Variants in APLP1 observed in about 807,000 individuals in gnomAD.
The protein encoded by APLP1 is amyloid beta precursor like protein 1.
Under a neutral mutation model 84.5 loss-of-function variants are expected in APLP1, and 46 were observed. That is an observed-to-expected ratio of 0.54 (90% CI 0.43 to 0.70). The LOEUF (loss-of-function observed/expected upper bound fraction) is 0.70. Among genes scored for constraint, APLP1 ranks in the 30% least tolerant of loss-of-function variants. The probability of loss-of-function intolerance (pLI) is 0.00; values close to 1 mark genes in which losing one functional copy is unlikely to be tolerated. For missense variants in APLP1, 826 were observed against 900.2 expected, an observed-to-expected ratio of 0.92 and a Z score of 1.05; for synonymous variants, 376 against 364.0, an observed-to-expected ratio of 1.03 and a Z score of -0.38.
intron 12 of APLP1, 96 bp from the exon 13 acceptor site, chr19:35,877,983 ATCC>A: frequency 7.0e-7 from 1 of 1,422,848 alleles, no homozygotes. Flanking sequence ...AGGATCCCCA[ATCC>A]TCCTTCTTAG....
chr19:35,869,887 C>G (rs11882950), intron 2 of APLP1, 77 bp downstream of exon 2: 6 of 1,517,046 alleles, frequency 4.0e-6, no homozygotes, highest in Non-Finnish European at 5.3e-6. Flanking sequence ...CAGGGTGCTG[C>G]GCGATCTAAG....
At chr19:35,871,568 C>T in intron 4 of APLP1, 44 bp from the exon 5 acceptor site, 2 of 1,611,118 alleles carry the variant, frequency 1.2e-6, no homozygotes, top group Non-Finnish European at 1.7e-6. Context: ...CATCTACCCC[C>T]TCCCATCCCA....
At position 35,871,988 on chromosome 19, in the gene APLP1, G is replaced by A. The variant is rs745547684; in HGVS notation, c.802G>A (p.Glu268Lys). Reference protein sequence around the residue: ...VEPPQAEEEEETVPPPSSHTL... With the variant: ...VEPPQAEEEEKTVPPPSSHTL... ...GCCTCCGCAGGCTGAAGAGGAAGAG[G>A]AAACGGTCCCACCCCCAAGCTCCCA... Residue 268 changes from glutamate to lysine, a missense_variant, in exon 6 of 17, where the codon GAA becomes AAA. Glu to Lys is a moderately conservative substitution (Grantham distance 56). Transcript: ENST00000221891. 1.2e-6 allele frequency: 2 copies of A among 1,614,116 alleles called. No individual in the cohort carries two copies. Among genetic ancestry groups the A allele is most frequent in the South Asian group, 2.2e-5 (2 of 91,068 alleles).
Position 35,868,940 on chromosome 19 carries a change from C to T in APLP1, c.147+157C>T, listed in dbSNP as rs78167269. ...ACATTTATGAACCCAGGGTTCCAGG[C>T]CCCAGCTCCCCCATCATGCGACGTC... On this transcript the variant is annotated intron_variant, in intron 1 of 16. Coordinates refer to ENST00000221891, the MANE Select transcript of APLP1 (RefSeq NM_001024807.3). This position sits in a 1 kb window ranked among gnomAD's most constrained non-coding sequence, Gnocchi z 5.2. Among the ~76,000 whole-genome samples the T allele has an allele frequency of 2.4e-3, 369 of 150,796 alleles. 12 individuals are homozygous for T. The East Asian group carries it at 0.066, about 27-fold the overall frequency.
At chr19:35,875,009 C>T in intron 10 of APLP1, 140 bp downstream of exon 10, 2 of 1,237,510 alleles carry the variant, frequency 1.6e-6, no homozygotes, top group Non-Finnish European at 2.2e-6. Context: ...CTGCCCCTTC[C>T]CAGTCTCTCA....
chr19:35,875,020 G>C lies in APLP1; in HGVS notation c.1344+151G>C, dbSNP rs970741256. ...TTCTCTGCCCCTTCCCAGTCTCTCA[G>C]CTCAGCTTCCTGACCCTGAAACATG... On this transcript the variant is annotated intron_variant, in intron 10 of 16. Coordinates refer to ENST00000221891, the MANE Select transcript of APLP1 (RefSeq NM_001024807.3). The C allele has an allele frequency of 1.9e-5, 23 of 1,184,158 alleles. No homozygotes were observed. The Admixed American group carries it at 2.4e-4, about 12-fold the overall frequency. 73.4% of individuals were successfully genotyped at this position (1,184,158 alleles called of 1,614,324 possible). A position where few individuals can be genotyped will look rare whatever the true frequency, so the allele number is the denominator to read the frequency against.
intron 10 of APLP1, among the ~76,000 whole-genome samples, chr19:35,875,524 C>T (rs1476498316): frequency 6.6e-6 from 1 of 152,170 alleles, no homozygotes; most frequent in Non-Finnish European, 1.5e-5. Flanking sequence ...CAGGGTTTCA[C>T]CATACTGGTC....
chr19:35,869,867 A>C (rs1974098814), intron 2 of APLP1, 57 bp downstream of exon 2: 2 of 1,541,324 alleles, frequency 1.3e-6, no homozygotes, highest in Non-Finnish European at 1.7e-6. Flanking sequence ...GACTTGAAAA[A>C]GGCGTGGTCC....
rs1270786630 is a variant in APLP1, at chr19:35,879,743, C to T, written c.*302C>T. ...CCTAGTGTCTATTCCCTGGAATTCA[C>T]CCTCTCATGTTTCCCTACTAACATC... On this transcript the variant is annotated 3_prime_UTR_variant, in exon 17 of 17. Transcript: ENST00000221891. 2.7e-6 allele frequency: 1 copy of T among 364,532 alleles called. No homozygotes were observed. Among genetic ancestry groups the T allele is most frequent in the East Asian group, 5.1e-5 (1 of 19,478 alleles). 22.6% of individuals were successfully genotyped at this position (364,532 alleles called of 1,614,324 possible).
rs775555094 is a variant in APLP1 at position 35,871,705 on chromosome 19, C to G, written c.631C>G (p.Pro211Ala). 1 of 1,613,966 alleles carries G rather than the reference C, an allele frequency of 6.2e-7. No individual in the cohort carries two copies. The highest frequency in any genetic ancestry group is 1.3e-5 in the African/African-American group (1 of 74,892). Reference sequence around the variant, plus strand: ...CCGTGGTGTGGAGTATGTGTGCTGTCCCCCTCCAGGGACCCCCGACCCATC... The same window carrying G: ...CCGTGGTGTGGAGTATGTGTGCTGTGCCCCTCCAGGGACCCCCGACCCATC... Reference protein sequence around the residue: ...RFRGVEYVCCPPPGTPDPSGT... With the variant: ...RFRGVEYVCCAPPGTPDPSGT... Residue 211 changes from proline to alanine, a missense_variant, in exon 5 of 17, where the codon CCC becomes GCC. Physicochemically the swap from Pro to Ala is conservative, Grantham distance 27. This residue lies in a region of APLP1 where 383 missense variants were observed against 378.3 expected (regional missense o/e 1.01). Transcript: ENST00000221891.
intron 11 of APLP1, 151 bp from the exon 12 acceptor site, chr19:35,877,567 C>A: frequency 1.7e-6 from 1 of 576,428 alleles, no homozygotes. Context: ...CTCCATCCAG[C>A]TTCCCACTTT....
chr19:35,874,674 G>T lies in APLP1; in HGVS notation c.1215+12G>T. On this transcript the variant is annotated intron_variant, in intron 9 of 16. Coordinates refer to ENST00000221891, the MANE Select transcript of APLP1 (RefSeq NM_001024807.3). This position sits in a 1 kb window ranked among gnomAD's most constrained non-coding sequence, Gnocchi z 6.4. ...CAGATCCGCCTCAGGTGCGGGGACC[G>T]TGGGGGCAGAGAGCAGAGGGTGAGA... 1 of 1,613,318 alleles carries T rather than the reference G, an allele frequency of 6.2e-7. No individual in the cohort carries two copies. Among genetic ancestry groups the T allele is most frequent in the South Asian group, 1.1e-5 (1 of 91,050 alleles).
intron 10 of APLP1, among the ~76,000 whole-genome samples, chr19:35,875,114 T>C (rs2146910395): frequency 6.6e-6 from 1 of 151,358 alleles, no homozygotes; most frequent in South Asian, 2.1e-4. Flanking sequence ...CCGCCGTCGA[T>C]CCTATGTTCT....
intron 2 of APLP1, 84 bp downstream of exon 2, chr19:35,869,894 TA>T: frequency 6.7e-7 from 1 of 1,500,458 alleles, no homozygotes; most frequent in East Asian, 2.5e-5. Context: ...CTGCGCGATC[TA>T]AGGCGTGGAG....
At chr19:35,877,998 C>A in intron 12 of APLP1, 84 bp from the exon 13 acceptor site, 1 of 1,463,342 alleles carries the variant, frequency 6.8e-7, no homozygotes, top group Non-Finnish European at 9.4e-7. Context: ...CCTTCTTAGT[C>A]CCTGGAAGGA....
chr19:35,873,747 G>C (rs372754968), intron 8 of APLP1, 34 bp downstream of exon 8: 36 of 1,595,792 alleles, frequency 2.3e-5, no homozygotes, highest in Non-Finnish European at 3.0e-5. Flanking sequence ...ACTCATGCCT[G>C]TCCACCACCT....
Position 35,868,654 on chromosome 19 carries a change from C to T in APLP1, c.18C>T (p.Pro6=), listed in dbSNP as rs1373185267. 3 of 1,382,240 alleles carry T rather than the reference C, an allele frequency of 2.2e-6. No individual in the cohort carries two copies. The East Asian group carries it at 9.3e-5, about 43-fold the overall frequency. 85.6% of individuals were successfully genotyped at this position (1,382,240 alleles called of 1,614,324 possible). The stretch of plus-strand genomic sequence containing the variant: ...GCCGGGACATGGGGCCCGCCAGCCC[C>T]GCTGCTCGCGGTCTAAGTCGCCGCC... MGPAS[P]AARGLSRRPG... The change falls in exon 1 of 17, where the codon CCC becomes CCT. Residue 6 remains proline, a synonymous_variant. Coordinates refer to ENST00000221891, the MANE Select transcript of APLP1 (RefSeq NM_001024807.3). This position sits in a 1 kb window ranked among gnomAD's most constrained non-coding sequence, Gnocchi z 5.2.
Position 35,879,474 on chromosome 19 carries a change from GAC to G in APLP1, c.*34_*35del, listed in dbSNP as rs1178017310. 6.3e-7 allele frequency: 1 copy of G among 1,595,670 alleles called. No homozygotes were observed. The highest frequency in any genetic ancestry group is 1.7e-5 in the Admixed American group (1 of 59,674). Reference sequence around the variant, plus strand: ...CCCTTCACCCCTTCAGCCGAGCCCAGACCTCCCCTCTTCCTGGAGCCCCAGAA... The same window carrying G: ...CCCTTCACCCCTTCAGCCGAGCCCAGCTCCCCTCTTCCTGGAGCCCCAGAA... On this transcript the variant is annotated 3_prime_UTR_variant, in exon 17 of 17. Transcript: ENST00000221891.
chr19:35,876,474 G>A, intron 10 of APLP1, 43 bp from the exon 11 acceptor site: 2 of 1,534,980 alleles, frequency 1.3e-6, no homozygotes, highest in Non-Finnish European at 1.8e-6. Context: ...CTCATCTCCA[G>A]CCTGCATTGC....
Sources: allele counts gnomAD v4.1 joint callset (sites outside exome capture counted in the v4.1 genomes callset), GRCh38; gene constraint gnomAD v4.1.1; regional missense constraint gnomAD v4.1.1; non-coding constraint Gnocchi (gnomAD v3.1); transcripts MANE v1.5; gene names NCBI Gene and HGNC (gene_info 2026-07-23, HGNC 2026-07-21).